STX11: variants seen among roughly 807,000 people sequenced by gnomAD.
The protein encoded by STX11 is syntaxin-11.
Under a neutral mutation model 19.9 loss-of-function variants are expected in STX11, and 21 were observed. That is an observed-to-expected ratio of 1.06 (90% CI 0.75 to 1.52). The LOEUF (loss-of-function observed/expected upper bound fraction) is 1.52. STX11 is among the 40% of genes most tolerant of loss of function. STX11 has a pLI of 0.00. For missense variants in STX11, 438 were observed against 405.9 expected, an observed-to-expected ratio of 1.08 and a Z score of -0.68; for synonymous variants, 193 against 174.4, an observed-to-expected ratio of 1.11 and a Z score of -0.84.
Position 144,188,783 on chromosome 6 carries a change from G to A in STX11, c.*1292G>A, listed in dbSNP as rs1365781082. 2.2e-5 allele frequency among the ~76,000 whole-genome samples: 3 copies of A among 138,676 alleles called. No individual in the cohort carries two copies. Among genetic ancestry groups the A allele is most frequent in the Non-Finnish European group, 4.5e-5 (3 of 66,404 alleles). 91.0% of individuals were successfully genotyped at this position (138,676 alleles called of 152,430 possible). A position where few individuals can be genotyped will look rare whatever the true frequency, so the allele number is the denominator to read the frequency against. The stretch of plus-strand genomic sequence containing the variant: ...ACTGTGTTGCCCAGGCTGGAGTGCA[G>A]TGGCAGGATCTTGGCTCATTGCAAC... On this transcript the variant is annotated 3_prime_UTR_variant, in exon 2 of 2. Transcript: ENST00000367568.
In STX11 at chr6:144,163,042, G is replaced by A. The variant is rs145934644; in HGVS notation, c.-6+12339G>A. Among the ~76,000 whole-genome samples the A allele has an allele frequency of 6.2e-4, 95 of 152,236 alleles. No individual in the cohort carries two copies. The East Asian group carries it at 9.5e-3, about 15-fold the overall frequency. On this transcript the variant is annotated intron_variant, in intron 1 of 1. Coordinates refer to ENST00000367568, the MANE Select transcript of STX11 (RefSeq NM_003764.4). Reference sequence around the variant, plus strand: ...TAAACACTAAGCTATTCTTTGTGTCGTAGTTGAAACCAGTGATTGAAATTA... The same window carrying A: ...TAAACACTAAGCTATTCTTTGTGTCATAGTTGAAACCAGTGATTGAAATTA...
rs11356106 is a variant in STX11 at position 144,188,725 on chromosome 6, C to CTTT, written c.*1251_*1253dup. Reference sequence around the variant, plus strand: ...ATTATTGTTAAAATTTTTCTTTTTCCTTTTTTTTTTTTTTTTTTTGAGATG... The same window carrying CTTT: ...ATTATTGTTAAAATTTTTCTTTTTCCTTTTTTTTTTTTTTTTTTTTTTGAGATG... On this transcript the variant is annotated 3_prime_UTR_variant, in exon 2 of 2. Transcript: ENST00000367568. 0.014 allele frequency among the ~76,000 whole-genome samples: 1,615 copies of CTTT among 117,918 alleles called. 110 individuals are homozygous for CTTT. Among genetic ancestry groups the CTTT allele is most frequent in the African/African-American group, 0.052 (1,505 of 28,954 alleles). 77.4% of individuals were successfully genotyped at this position (117,918 alleles called of 152,430 possible).
upstream of STX11, among the ~76,000 whole-genome samples, chr6:144,146,674 T>A (rs139038125): frequency 6.6e-6 from 1 of 152,146 alleles, no homozygotes; most frequent in South Asian, 2.1e-4. This position sits in a 1 kb window ranked among gnomAD's most constrained non-coding sequence, Gnocchi z 4.4. Context: ...ATCTCTGCCA[T>A]ACTTTCTGAA....
rs1801782013 is a variant in STX11 at position 144,176,517 on chromosome 6, T to G, written c.-5-10106T>G. On this transcript the variant is annotated intron_variant, in intron 1 of 1. Transcript: ENST00000367568. This position sits in a 1 kb window ranked among gnomAD's most constrained non-coding sequence, Gnocchi z 4.1. ...TCCTTCCTTGCTTTACGGAGTGGGC[T>G]TGATTCTAGAGGGCTGCAGACACAC... Among the ~76,000 whole-genome samples the G allele has an allele frequency of 6.6e-6, 1 of 152,170 alleles. No individual in the cohort carries two copies. Among genetic ancestry groups the G allele is most frequent in the Non-Finnish European group, 1.5e-5 (1 of 68,024 alleles).
At chr6:144,148,219 C>A (rs1257231887), upstream of STX11, among the ~76,000 whole-genome samples, 2 of 152,176 alleles carry the variant, frequency 1.3e-5, no homozygotes, top group African/African-American at 2.4e-5. Flanking sequence ...CCACTCCTAG[C>A]CCCACCACCA....
rs1802096382 is a variant in STX11, at chr6:144,187,592, C to G, written c.*101C>G. 6.7e-7 allele frequency: 1 copy of G among 1,503,048 alleles called. No individual in the cohort carries two copies. The highest frequency in any genetic ancestry group is 9.1e-7 in the Non-Finnish European group (1 of 1,101,532). The allele number at this position is 1,503,048 out of a possible 1,614,324, so 93.1% of individuals were successfully genotyped here. A position where few individuals can be genotyped will look rare whatever the true frequency, so the allele number is the denominator to read the frequency against. ...CTGCCCTGCAGGGAGTTGCCCCAAC[C>G]CTTTCCGGAACTCAGTCTTTAGAAA... is the stretch of plus-strand genomic sequence containing the variant. On this transcript the variant is annotated 3_prime_UTR_variant, in exon 2 of 2. Transcript: ENST00000367568. The surrounding 1 kb of genome is among the most constrained non-coding windows in gnomAD (Gnocchi z 5.6).
intron 1 of STX11, among the ~76,000 whole-genome samples, chr6:144,157,616 G>A (rs1283619032): frequency 1.3e-5 from 2 of 152,184 alleles, no homozygotes; most frequent in Non-Finnish European, 2.9e-5. Flanking sequence ...AGAGCAAGAA[G>A]ACAAAGTAGT....
rs532227004 is a variant in STX11 at position 144,159,432 on chromosome 6, A to G, written c.-6+8729A>G. Among the ~76,000 whole-genome samples the G allele has an allele frequency of 5.3e-5, 8 of 152,348 alleles. No individual in the cohort carries two copies. In the South Asian group the frequency reaches 1.2e-3, roughly 24 times the overall value. On this transcript the variant is annotated intron_variant, in intron 1 of 1. Transcript: ENST00000367568. The surrounding 1 kb of genome is among the most constrained non-coding windows in gnomAD (Gnocchi z 4.3). ...CCTGAAATATAAGTTATATCAAAAT[A>G]GAAGTTACGGATTTGGCTTTGGTTA... is the stretch of plus-strand genomic sequence containing the variant.
chr6:144,190,378 C>T lies in STX11; in HGVS notation c.*2887C>T, dbSNP rs540983622. ...ACTGAATATGTAAAAGCACCTAGAA[C>T]AGTGCCTGGCACATGCTAAGTGCTT... On this transcript the variant is annotated 3_prime_UTR_variant, in exon 2 of 2. Transcript: ENST00000367568. 6.6e-6 allele frequency among the ~76,000 whole-genome samples: 1 copy of T among 152,348 alleles called. No homozygotes were observed. The highest frequency in any genetic ancestry group is 1.9e-4 in the East Asian group (1 of 5,190).
Position 144,162,592 on chromosome 6 carries a change from C to T in STX11, c.-6+11889C>T, listed in dbSNP as rs1801372202. On this transcript the variant is annotated intron_variant, in intron 1 of 1. Transcript: ENST00000367568. The surrounding 1 kb of genome is among the most constrained non-coding windows in gnomAD (Gnocchi z 4.6). ...AGCACTTACAAGCAGATACATTCAT[C>T]AGAACAGTTGTTTACTGCCCTAAAA... Among the ~76,000 whole-genome samples, 1 of 152,204 alleles carries T rather than the reference C, an allele frequency of 6.6e-6. No individual in the cohort carries two copies. The highest frequency in any genetic ancestry group is 2.4e-5 in the African/African-American group (1 of 41,444).
rs191172645 is a variant in STX11 at position 144,155,992 on chromosome 6, T to A, written c.-6+5289T>A. Among the ~76,000 whole-genome samples, 1 of 130,854 alleles carries A rather than the reference T, an allele frequency of 7.6e-6. No homozygotes were observed. The highest frequency in any genetic ancestry group is 1.5e-5 in the Non-Finnish European group (1 of 66,676). The allele number at this position is 130,854 out of a possible 152,430, so 85.8% of individuals were successfully genotyped here. A position where few individuals can be genotyped will look rare whatever the true frequency, so the allele number is the denominator to read the frequency against. On this transcript the variant is annotated intron_variant, in intron 1 of 1. Transcript: ENST00000367568. This position sits in a 1 kb window ranked among gnomAD's most constrained non-coding sequence, Gnocchi z 4.5. ...TTTCTTTCTTTCTTTCTTTCTTTCT[T>A]TCTTTCTTTCTTTCTTTCTTTCTCT...
rs1258176132 is a variant in STX11, at chr6:144,172,422, C to A, written c.-5-14201C>A. 2.0e-5 allele frequency among the ~76,000 whole-genome samples: 3 copies of A among 152,102 alleles called. No homozygotes were observed. Among genetic ancestry groups the A allele is most frequent in the African/African-American group, 7.2e-5 (3 of 41,404 alleles). The stretch of plus-strand genomic sequence containing the variant: ...TTTCAGTGTTCCCAGAGCAGATAAG[C>A]CCCAAGGTGCTAGTGCTGTTGAAGC... On this transcript the variant is annotated intron_variant, in intron 1 of 1. Transcript: ENST00000367568. This position sits in a 1 kb window ranked among gnomAD's most constrained non-coding sequence, Gnocchi z 4.2.
chr6:144,160,494 G>A lies in STX11; in HGVS notation c.-6+9791G>A, dbSNP rs1360119721. ...ATATAAGTTAACAGGCAAATCTTGG[G>A]TTGAAAAAGTACCAGATTCGTTCTC... On this transcript the variant is annotated intron_variant, in intron 1 of 1. Transcript: ENST00000367568. The surrounding 1 kb of genome is among the most constrained non-coding windows in gnomAD (Gnocchi z 4.3). Among the ~76,000 whole-genome samples the A allele has an allele frequency of 1.3e-5, 2 of 152,112 alleles. No homozygotes were observed. Among genetic ancestry groups the A allele is most frequent in the Non-Finnish European group, 2.9e-5 (2 of 68,028 alleles).
At chr6:144,148,753 TC>T (rs1800924933), upstream of STX11, among the ~76,000 whole-genome samples, 1 of 152,208 alleles carries the variant, frequency 6.6e-6, no homozygotes, top group African/African-American at 2.4e-5. Context: ...TTTCAGACTT[TC>T]CTTATTTTAT....
chr6:144,144,634 T>C, the STX11 span, among the ~76,000 whole-genome samples: 90 of 152,304 alleles, frequency 5.9e-4, no homozygotes, highest in African/African-American at 2.1e-3. Context: ...GTACTTAAAA[T>C]GTTGCTAATG....
chr6:144,186,694 G>T lies in STX11; in HGVS notation c.67G>T (p.Asp23Tyr). The change falls in exon 2 of 2, where the codon GAC becomes TAC. Residue 23 changes from aspartate to tyrosine, a missense_variant. Transcript: ENST00000367568. ...ATATGACCAGCAGTTCCCAGACGGGGACGATGAGTTTGACTCGCCCCACGA... is the reference window on the plus strand; with the variant it reads ...ATATGACCAGCAGTTCCCAGACGGGTACGATGAGTTTGACTCGCCCCACGA... Reference protein sequence around the residue: ...KQYDQQFPDGDDEFDSPHEDI... With the variant: ...KQYDQQFPDGYDEFDSPHEDI... The T allele has an allele frequency of 6.2e-7, 1 of 1,614,210 alleles. No homozygotes were observed. Among genetic ancestry groups the T allele is most frequent in the Non-Finnish European group, 8.5e-7 (1 of 1,180,056 alleles).
upstream of STX11, among the ~76,000 whole-genome samples, chr6:144,147,519 T>C (rs1190651041): frequency 6.6e-6 from 1 of 152,218 alleles, no homozygotes; most frequent in Non-Finnish European, 1.5e-5. This position sits in a 1 kb window ranked among gnomAD's most constrained non-coding sequence, Gnocchi z 4.2. Context: ...CTTTGGAGCA[T>C]GCCAGGACTC....
chr6:144,161,961 G>C (rs1381526617), intron 1 of STX11, among the ~76,000 whole-genome samples: 1 of 151,802 alleles, frequency 6.6e-6, no homozygotes, highest in East Asian at 1.9e-4. Context: ...GTAAGATATA[G>C]CTCAGTGTGC....
intron 1 of STX11, among the ~76,000 whole-genome samples, chr6:144,166,763 T>A (rs931510335): frequency 1.3e-5 from 2 of 152,128 alleles, no homozygotes; most frequent in African/African-American, 4.8e-5. Context: ...TGACCTGATG[T>A]GATCCGCCCG....
Sources: allele counts gnomAD v4.1 joint callset (sites outside exome capture counted in the v4.1 genomes callset), GRCh38; gene constraint gnomAD v4.1.1; non-coding constraint Gnocchi (gnomAD v3.1); transcripts MANE v1.5; gene names NCBI Gene and HGNC (gene_info 2026-07-23, HGNC 2026-07-21).